Variants in PDCL3 observed in about 807,000 individuals in gnomAD.
The protein encoded by PDCL3 is phosducin-like protein 3.
A neutral mutation model predicts 26.5 loss-of-function variants in PDCL3; 22 were observed. The observed-to-expected ratio is 0.83, with a 90% CI of 0.59 to 1.19. The LOEUF is 1.19. Ranked by LOEUF, PDCL3 falls within the 50% of genes most tolerant of loss-of-function variation. The pLI is 0.00. For synonymous variants in PDCL3, 81 were observed against 104.9 expected (o/e 0.77, Z 1.39); for missense variants, 246 against 294.1 (o/e 0.84, Z 1.20).
intron 2 of PDCL3, among the ~76,000 whole-genome samples, chr2:100,567,108 C>T (rs1476307564): frequency 1.3e-5 from 2 of 152,050 alleles, no homozygotes; most frequent in East Asian, 3.9e-4. Flanking sequence ...GGTAACCCCA[C>T]CCACCTAGTG....
intron 5 of PDCL3, among the ~76,000 whole-genome samples, chr2:100,572,282 C>A (rs571739455): frequency 6.6e-6 from 1 of 151,536 alleles, no homozygotes; most frequent in South Asian, 2.1e-4. Context: ...TATGATCTTG[C>A]CTCACTGCAA....
At chr2:100,565,262 C>T (rs927147130) in intron 1 of PDCL3, among the ~76,000 whole-genome samples, 3 of 148,710 alleles carry the variant, frequency 2.0e-5, no homozygotes, top group Admixed American at 1.3e-4. Flanking sequence ...AGCCACTCCA[C>T]CCAGCCTGGA....
chr2:100,570,699 A>C (rs1297944070), intron 4 of PDCL3, among the ~76,000 whole-genome samples: 3 of 151,932 alleles, frequency 2.0e-5, no homozygotes, highest in Non-Finnish European at 4.4e-5. Context: ...GCTGGTCTTG[A>C]ACTCCTGACC....
chr2:100,575,285 GCC>G lies in PDCL3; in HGVS notation c.578-1068_578-1067del. On this transcript the variant is annotated intron_variant, in intron 5 of 5. Transcript: ENST00000264254. ...CGAGTAGCTGGGACTACAGGCACCT[GCC>G]ACCATGCCTGGCTAATTTTTTGTAT... Among the ~76,000 whole-genome samples the G allele has an allele frequency of 2.0e-5, 3 of 152,244 alleles. No individual in the cohort carries two copies. The Middle Eastern group carries it at 0.01, about 518-fold the overall frequency.
intron 2 of PDCL3, among the ~76,000 whole-genome samples, chr2:100,567,956 G>A (rs1261032856): frequency 1.3e-5 from 2 of 152,028 alleles, no homozygotes; most frequent in African/African-American, 4.8e-5. Context: ...CCGAGTAGCT[G>A]GGATTACAGA....
At chr2:100,573,643 A>G (rs2104397199) in intron 5 of PDCL3, among the ~76,000 whole-genome samples, 1 of 150,814 alleles carries the variant, frequency 6.6e-6, no homozygotes, top group South Asian at 2.1e-4. Context: ...ATTGCACTCC[A>G]GCCTGGGTAA....
rs138253358 is a variant in PDCL3, at chr2:100,571,357, G to C, written c.369-233G>C. 5.9e-5 allele frequency among the ~76,000 whole-genome samples: 9 copies of C among 152,114 alleles called. No homozygotes were observed. The East Asian group carries it at 1.4e-3, about 23-fold the overall frequency. On this transcript the variant is annotated intron_variant, in intron 4 of 5. Coordinates refer to ENST00000264254, the MANE Select transcript of PDCL3 (RefSeq NM_024065.5). ...CCTTGGCCTCCCAAAGTGCTACTTGGGGGGCTGAGGTGGGAGCATTGCTTG... is the reference window on the plus strand; with the variant it reads ...CCTTGGCCTCCCAAAGTGCTACTTGCGGGGCTGAGGTGGGAGCATTGCTTG...
intron 4 of PDCL3, among the ~76,000 whole-genome samples, chr2:100,569,922 C>T (rs1241693944): frequency 3.3e-5 from 5 of 152,004 alleles, no homozygotes; most frequent in Admixed American, 2.6e-4. Context: ...CTGGCTGACA[C>T]GATGAAACCC....
intron 5 of PDCL3, among the ~76,000 whole-genome samples, chr2:100,572,250 C>T (rs1675192343): frequency 6.6e-6 from 1 of 152,162 alleles, no homozygotes; most frequent in Admixed American, 6.6e-5. Flanking sequence ...CTTGCTCTGT[C>T]ACCCAGGCTG....
At chr2:100,573,988 T>G (rs567575685) in intron 5 of PDCL3, among the ~76,000 whole-genome samples, 1 of 152,166 alleles carries the variant, frequency 6.6e-6, no homozygotes, top group South Asian at 2.1e-4. Flanking sequence ...AAGATATATA[T>G]ATAGAGAGAG....
chr2:100,574,676 G>A (rs1675243787), intron 5 of PDCL3, among the ~76,000 whole-genome samples: 1 of 152,136 alleles, frequency 6.6e-6, no homozygotes, highest in African/African-American at 2.4e-5. Flanking sequence ...TAGTTACCAT[G>A]TTCTACATTA....
chr2:100,568,912 C>A lies in PDCL3; in HGVS notation c.134-19C>A, dbSNP rs1318459407. 2 of 1,598,918 alleles carry A rather than the reference C, an allele frequency of 1.3e-6. No homozygotes were observed. The highest frequency in any genetic ancestry group is 1.7e-6 in the Non-Finnish European group (2 of 1,172,612). ...CATCTTTTTAAATTTTTGCTTTTTGCCAATGTAACCAAATTCAGTGAAAAC... is the reference window on the plus strand; with the variant it reads ...CATCTTTTTAAATTTTTGCTTTTTGACAATGTAACCAAATTCAGTGAAAAC... On this transcript the variant is annotated intron_variant, in intron 2 of 5. Coordinates refer to ENST00000264254, the MANE Select transcript of PDCL3 (RefSeq NM_024065.5).
chr2:100,563,157 C>G (rs1674982602), intron 1 of PDCL3, 84 bp downstream of exon 1: 1 of 1,495,334 alleles, frequency 6.7e-7, no homozygotes, highest in Non-Finnish European at 9.0e-7. Flanking sequence ...GACGCCCGCC[C>G]TGGGGGAAGC....
chr2:100,564,618 C>T (rs1481049005), intron 1 of PDCL3, among the ~76,000 whole-genome samples: 2 of 152,124 alleles, frequency 1.3e-5, no homozygotes, highest in Non-Finnish European at 2.9e-5. Flanking sequence ...TGATGTATCT[C>T]AGAACTGTTA....
chr2:100,565,112 A>G (rs572268483), intron 1 of PDCL3, among the ~76,000 whole-genome samples: 5 of 151,968 alleles, frequency 3.3e-5, no homozygotes, highest in Non-Finnish European at 7.4e-5. Flanking sequence ...TATTTTCTTG[A>G]TTACGGGCGT....
At chr2:100,575,675 C>T (rs1034587613) in intron 5 of PDCL3, among the ~76,000 whole-genome samples, 1 of 152,136 alleles carries the variant, frequency 6.6e-6, no homozygotes, top group Non-Finnish European at 1.5e-5. Context: ...TCTTTATTAT[C>T]TGGTGCTTTT....
chr2:100,572,972 C>T (rs1295796232), intron 5 of PDCL3, among the ~76,000 whole-genome samples: 1 of 151,986 alleles, frequency 6.6e-6, no homozygotes, highest in Non-Finnish European at 1.5e-5. Flanking sequence ...GGAACCTCCA[C>T]CTTCTGGTTT....
rs369159652 is a variant in PDCL3, at chr2:100,566,647, C to A, written c.133+18C>A. 3.5e-5 allele frequency: 56 copies of A among 1,613,104 alleles called. No individual in the cohort carries two copies. The highest frequency in any genetic ancestry group is 4.3e-5 in the Non-Finnish European group (51 of 1,179,574). ...GTCAGTGGGTGAGTTCACTCGCTTT[C>A]CTCTGCACCTGTCTGGGTTAGGAGA... On this transcript the variant is annotated intron_variant, in intron 2 of 5. Transcript: ENST00000264254.
chr2:100,569,477 G>T lies in PDCL3; in HGVS notation c.225-101G>T, dbSNP rs1675125307. 5 of 1,387,604 alleles carry T rather than the reference G, an allele frequency of 3.6e-6. No individual in the cohort carries two copies. In the Admixed American group the frequency reaches 1.2e-4, roughly 34 times the overall value. The allele number at this position is 1,387,604 out of a possible 1,614,324, so 86.0% of individuals were successfully genotyped here. ...AACTGATCTTAGATTTTTGCCATAA[G>T]ACCAATAAATAAACCTGGGCTTTTA... is the stretch of plus-strand genomic sequence containing the variant. On this transcript the variant is annotated intron_variant, in intron 3 of 5. Coordinates refer to ENST00000264254, the MANE Select transcript of PDCL3 (RefSeq NM_024065.5).
Sources: allele counts gnomAD v4.1 joint callset (sites outside exome capture counted in the v4.1 genomes callset), GRCh38; gene constraint gnomAD v4.1.1; transcripts MANE v1.5; gene names NCBI Gene and HGNC (gene_info 2026-07-23, HGNC 2026-07-21).